Variants in TAF1A observed in about 807,000 individuals in gnomAD.
The protein encoded by TAF1A is TATA-box binding protein associated factor, RNA polymerase I subunit A.
A neutral mutation model predicts 61.6 loss-of-function variants in TAF1A; 42 were observed. That is an observed-to-expected ratio of 0.68 (90% CI 0.53 to 0.88). TAF1A has a LOEUF of 0.88. TAF1A is among the 40% of genes least tolerant of loss of function. The pLI is 0.00. For synonymous variants in TAF1A, 179 were observed against 177.7 expected (o/e 1.01, Z -0.06); for missense variants, 424 against 518.7 (o/e 0.82, Z 1.77).
chr1:222,562,658 A>C (rs1659961979), intron 9 of TAF1A, among the ~76,000 whole-genome samples: 1 of 152,196 alleles, frequency 6.6e-6, no homozygotes, highest in Non-Finnish European at 1.5e-5. Context: ...TCTTTTACTC[A>C]AAATGTGACA....
At chr1:222,587,912 C>T (rs1248248973) in intron 2 of TAF1A, among the ~76,000 whole-genome samples, 2 of 151,896 alleles carry the variant, frequency 1.3e-5, no homozygotes, top group African/African-American at 4.8e-5. Context: ...ACTAGCCAGG[C>T]GTGGTGGCTG....
Position 222,561,535 on chromosome 1 carries a change from T to C in TAF1A, c.1086-17A>G. The C allele has an allele frequency of 6.3e-7, 1 of 1,583,952 alleles. No homozygotes were observed. Among genetic ancestry groups the C allele is most frequent in the Non-Finnish European group, 8.6e-7 (1 of 1,166,722 alleles). ...AGGTGGTTTCTGGAAAAGAAAAATGTCAAAAGAGAGGGTCAATGATGGAAA... is the reference window on the plus strand; with the variant it reads ...AGGTGGTTTCTGGAAAAGAAAAATGCCAAAAGAGAGGGTCAATGATGGAAA... On this transcript the variant is annotated splice_polypyrimidine_tract_variant and intron_variant, in intron 9 of 10. Transcript: ENST00000352967.
rs142640721 is a variant in TAF1A, at chr1:222,587,773, C to T, written c.121+670G>A. 3.7e-3 allele frequency among the ~76,000 whole-genome samples: 558 copies of T among 152,064 alleles called. 3 individuals carry two copies. The highest frequency in any genetic ancestry group is 0.013 in the African/African-American group (537 of 41,496). ...GGGGAAAATGCTCTTTTATCTAGGC[C>T]GGGTGCAGTGGCTCATGCCTGTAAT... On this transcript the variant is annotated intron_variant, in intron 2 of 10. Coordinates refer to ENST00000352967, the MANE Select transcript of TAF1A (RefSeq NM_005681.4).
chr1:222,580,954 C>T (rs1194360239), intron 3 of TAF1A, among the ~76,000 whole-genome samples: 1 of 152,018 alleles, frequency 6.6e-6, no homozygotes, highest in Non-Finnish European at 1.5e-5. Context: ...AGAGTGAGAC[C>T]ATCCTGGCTA....
intron 5 of TAF1A, among the ~76,000 whole-genome samples, chr1:222,571,096 T>C (rs1603741): frequency 0.05 from 7,572 of 152,244 alleles, 584 homozygotes; most frequent in African/African-American, 0.17. Flanking sequence ...TAGAGATCTA[T>C]TGATCTAAAC....
At chr1:222,580,425 G>A (rs989851026) in intron 3 of TAF1A, among the ~76,000 whole-genome samples, 1 of 152,076 alleles carries the variant, frequency 6.6e-6, no homozygotes, top group South Asian at 2.1e-4. Context: ...AAACTTTGGC[G>A]GCAGAACTTG....
chr1:222,554,813 A>G (rs919894076), downstream of TAF1A, among the ~76,000 whole-genome samples: 7 of 152,146 alleles, frequency 4.6e-5, no homozygotes, highest in African/African-American at 1.7e-4. Flanking sequence ...TCCATAGAAC[A>G]TTCTTTTATT....
intron 1 of TAF1A, among the ~76,000 whole-genome samples, chr1:222,589,415 G>C (rs540054818): frequency 5.3e-5 from 8 of 152,166 alleles, no homozygotes; most frequent in Non-Finnish European, 7.3e-5. Context: ...ATTATACCCA[G>C]AGTAAACCTT....
At chr1:222,568,785 A>G (rs929417256) in intron 7 of TAF1A, 2 of 152,306 alleles carry the variant, frequency 1.3e-5, no homozygotes, top group African/African-American at 4.8e-5. Context: ...ATATATGTGT[A>G]TACAGAATCT....
At chr1:222,573,328 A>C (rs1660437401) in intron 5 of TAF1A, among the ~76,000 whole-genome samples, 1 of 152,204 alleles carries the variant, frequency 6.6e-6, no homozygotes, top group African/African-American at 2.4e-5. Flanking sequence ...GAAAAGGTGA[A>C]AATATTTCCA....
chr1:222,569,072 C>A, intron 7 of TAF1A: 1 of 209,906 alleles, frequency 4.8e-6, no homozygotes, highest in South Asian at 8.2e-5. Context: ...TTGTCTGGGG[C>A]CATGGTTGTG....
At chr1:222,579,930 C>G in intron 3 of TAF1A, 58 bp from the exon 4 acceptor site, 2 of 1,562,936 alleles carry the variant, frequency 1.3e-6, no homozygotes, top group Non-Finnish European at 1.7e-6. Context: ...CAATTTCTGT[C>G]TAAGATATTG....
At position 222,564,072 on chromosome 1, in the gene TAF1A, TA is replaced by T. The variant is rs1456863270; in HGVS notation, c.947del (p.Leu316TyrfsTer22). 6.5e-7 allele frequency: 1 copy of T among 1,547,134 alleles called. No individual in the cohort carries two copies. Among genetic ancestry groups the T allele is most frequent in the Non-Finnish European group, 8.9e-7 (1 of 1,124,126 alleles). On this transcript the variant is annotated frameshift_variant, in exon 8 of 11. Coordinates refer to ENST00000352967, the MANE Select transcript of TAF1A (RefSeq NM_005681.4). LOFTEE classifies it high-confidence loss of function. Reference protein sequence around the residue: ...SHKLMLEFHTLLRKSEKEEHR... With the variant: ...SHKLMLEFHTXLRKSEKEEHR... ...TTTATTTATTACCTGATTTTCTAAGTAATGTATGGAATTCCAACATCAATTT... is the reference window on the plus strand; with the variant it reads ...TTTATTTATTACCTGATTTTCTAAGTATGTATGGAATTCCAACATCAATTT...
intron 6 of TAF1A, among the ~76,000 whole-genome samples, chr1:222,569,949 G>C (rs745495472): frequency 7.2e-5 from 11 of 152,274 alleles, no homozygotes; most frequent in Middle Eastern, 6.8e-3. Flanking sequence ...GCCACAAAAG[G>C]AGTGCATGAG....
rs150887332 is a variant in TAF1A at position 222,577,542 on chromosome 1, C to T, written c.507G>A (p.Thr169=). The change falls in exon 5 of 11, where the codon ACG becomes ACA. Residue 169 remains threonine (T), a synonymous_variant. Coordinates refer to ENST00000352967, the MANE Select transcript of TAF1A (RefSeq NM_005681.4). ...GGTTGATTAATATTTCCCGGGAAGA[C>T]GTATTTTCACCATGTCTCCATGTCT... is the stretch of plus-strand genomic sequence containing the variant. ...EAETWRHGEN[T]SSREILINLI... 1.1e-5 allele frequency: 18 copies of T among 1,613,762 alleles called. No individual in the cohort carries two copies. The highest frequency in any genetic ancestry group is 2.7e-5 in the African/African-American group (2 of 74,918).
intron 10 of TAF1A, among the ~76,000 whole-genome samples, chr1:222,560,397 C>T (rs576445946): frequency 6.6e-6 from 1 of 152,114 alleles, no homozygotes; most frequent in Non-Finnish European, 1.5e-5. Context: ...TGTTACAATG[C>T]CCACTTCATA....
chr1:222,554,459 T>C (rs552138457), downstream of TAF1A, among the ~76,000 whole-genome samples: 3 of 152,336 alleles, frequency 2.0e-5, no homozygotes, highest in African/African-American at 4.8e-5. Flanking sequence ...ATATTATTTG[T>C]AGACCATCCA....
At chr1:222,562,539 A>G (rs928178752) in intron 9 of TAF1A, among the ~76,000 whole-genome samples, 1 of 152,190 alleles carries the variant, frequency 6.6e-6, no homozygotes, top group Non-Finnish European at 1.5e-5. Context: ...ACAATTTCCA[A>G]CTGACACTGA....
At chr1:222,573,418 G>C (rs1479977169) in intron 5 of TAF1A, among the ~76,000 whole-genome samples, 1 of 152,128 alleles carries the variant, frequency 6.6e-6, no homozygotes, top group Non-Finnish European at 1.5e-5. Context: ...TAATCTAAAA[G>C]CAGGTAATTA....
Sources: gnomAD v4.1 joint callset for allele counts (sites outside exome capture counted in the v4.1 genomes callset) on GRCh38, gnomAD v4.1.1 for gene constraint, MANE v1.5 for transcripts, NCBI Gene and HGNC (gene_info 2026-07-23, HGNC 2026-07-21) for gene names.